SORCS2: variants seen among roughly 807,000 people sequenced by gnomAD.
The protein encoded by SORCS2 is sortilin related VPS10 domain containing receptor 2.
In SORCS2, 100 loss-of-function variants were observed where a neutral mutation model predicts 141.6. The observed-to-expected ratio is 0.71, with a 90% CI of 0.60 to 0.83. The LOEUF (loss-of-function observed/expected upper bound fraction) is 0.83, where lower values mean the gene tolerates loss of function less well. SORCS2 is among the 40% of genes least tolerant of loss of function. SORCS2 has a pLI of 0.00. For synonymous variants in SORCS2, 789 were observed against 676.9 expected (o/e 1.17, Z -2.57); for missense variants, 1,646 against 1,560.2 (o/e 1.05, Z -0.93).
In SORCS2 at chr4:7,314,821, T is replaced by G. The variant is rs992867510; in HGVS notation, c.481-81467T>G. Among the ~76,000 whole-genome samples the G allele has an allele frequency of 6.3e-4, 92 of 147,098 alleles. 1 individual carries two copies. Among genetic ancestry groups the G allele is most frequent in the South Asian group, 4.4e-3 (20 of 4,582 alleles). ...TTCTGTTTTTTTTTTTTTTTTTTTT[T>G]TTTTTTTTATTGTTGTTGTTGTTTT... On this transcript the variant is annotated intron_variant, in intron 1 of 26. Coordinates refer to ENST00000507866, the MANE Select transcript of SORCS2 (RefSeq NM_020777.3).
At chr4:7,305,815 T>C (rs1717780089) in intron 1 of SORCS2, among the ~76,000 whole-genome samples, 1 of 152,182 alleles carries the variant, frequency 6.6e-6, no homozygotes, top group Non-Finnish European at 1.5e-5. Flanking sequence ...CATACTCTGC[T>C]GCCCAGAGCA....
chr4:7,364,022 G>T (rs990862197), intron 1 of SORCS2, among the ~76,000 whole-genome samples: 7 of 133,168 alleles, frequency 5.3e-5, no homozygotes, highest in African/African-American at 2.2e-4. Flanking sequence ...CACCATTGTG[G>T]TGTATCACCA....
At chr4:7,353,691 C>T (rs1721085316) in intron 1 of SORCS2, among the ~76,000 whole-genome samples, 1 of 152,162 alleles carries the variant, frequency 6.6e-6, no homozygotes, top group African/African-American at 2.4e-5. Flanking sequence ...GAAGGCAGCC[C>T]TGACTGCTTT....
chr4:7,426,739 G>A (rs1175089700), intron 2 of SORCS2, among the ~76,000 whole-genome samples: 2 of 152,180 alleles, frequency 1.3e-5, no homozygotes, highest in Admixed American at 6.5e-5. Context: ...CTTATGGGAT[G>A]CCTGAGGCTG....
intron 8 of SORCS2, among the ~76,000 whole-genome samples, chr4:7,670,853 A>C (rs941196469): frequency 6.6e-6 from 1 of 152,102 alleles, no homozygotes; most frequent in South Asian, 2.1e-4. Context: ...TCTTCCAAAC[A>C]CTGAGGATCT....
At chr4:7,229,291 C>T (rs1259819251) in intron 1 of SORCS2, among the ~76,000 whole-genome samples, 1 of 152,008 alleles carries the variant, frequency 6.6e-6, no homozygotes, top group Non-Finnish European at 1.5e-5. Flanking sequence ...TCTGCCATGC[C>T]ATGACCCCCT....
At chr4:7,386,746 TAC>T (rs1723371938) in intron 1 of SORCS2, among the ~76,000 whole-genome samples, 1 of 63,548 alleles carries the variant, frequency 1.6e-5, no homozygotes, top group Non-Finnish European at 2.9e-5. Flanking sequence ...TGCACACACA[TAC>T]AGGTACACAG....
At chr4:7,195,446 A>G (rs1035320103) in intron 1 of SORCS2, among the ~76,000 whole-genome samples, 3 of 152,036 alleles carry the variant, frequency 2.0e-5, no homozygotes, top group Non-Finnish European at 2.9e-5. Context: ...TGGACCAGGC[A>G]TTGGGCTTCA....
At chr4:7,354,795 T>A (rs1375801035) in intron 1 of SORCS2, among the ~76,000 whole-genome samples, 1 of 152,194 alleles carries the variant, frequency 6.6e-6, no homozygotes, top group East Asian at 1.9e-4. Context: ...GGCTCTGCAC[T>A]GAAAATCCGA....
chr4:7,735,840 C>A (rs1421353901), intron 25 of SORCS2, among the ~76,000 whole-genome samples: 1 of 152,218 alleles, frequency 6.6e-6, no homozygotes, highest in Non-Finnish European at 1.5e-5. Flanking sequence ...CCCCCTCCAG[C>A]CTATATCCCA....
chr4:7,496,691 G>T (rs1731651150), intron 2 of SORCS2, among the ~76,000 whole-genome samples: 1 of 152,042 alleles, frequency 6.6e-6, no homozygotes, highest in Non-Finnish European at 1.5e-5. Context: ...CATTATTCAT[G>T]GGCCACATCT....
At chr4:7,392,253 G>A (rs73210458) in intron 1 of SORCS2, among the ~76,000 whole-genome samples, 34,047 of 152,178 alleles carry the variant, frequency 0.22, 4,798 homozygotes, top group Middle Eastern at 0.36. Context: ...GTTAGGATGG[G>A]CATTGCTGTG....
intron 1 of SORCS2, among the ~76,000 whole-genome samples, chr4:7,369,540 A>G (rs903919370): frequency 5.9e-5 from 9 of 152,168 alleles, no homozygotes; most frequent in African/African-American, 2.2e-4. Flanking sequence ...CAGAGGCTTG[A>G]CTTGGGGGCG....
At chr4:7,435,752 A>G (rs1727255189) in intron 2 of SORCS2, among the ~76,000 whole-genome samples, 1 of 152,260 alleles carries the variant, frequency 6.6e-6, no homozygotes, top group South Asian at 2.1e-4. Flanking sequence ...TTCTTAGGCA[A>G]GAGAGTCAGC....
In SORCS2 at chr4:7,740,440, G is replaced by A. The variant is rs1712574201; in HGVS notation, c.*176G>A. The A allele has an allele frequency of 3.2e-6, 2 of 618,074 alleles. No homozygotes were observed. Among genetic ancestry groups the A allele is most frequent in the East Asian group, 5.6e-5 (2 of 35,940 alleles). 38.3% of individuals were successfully genotyped at this position (618,074 alleles called of 1,614,324 possible). On this transcript the variant is annotated 3_prime_UTR_variant, in exon 27 of 27. Coordinates refer to ENST00000507866, the MANE Select transcript of SORCS2 (RefSeq NM_020777.3). ...TCCAAGCCCGCCCAGGCCCACGGGG[G>A]GCCCACGGGACCCCCCGGGACTCCC... is the stretch of plus-strand genomic sequence containing the variant.
At chr4:7,706,960 C>G (rs978416358) in intron 14 of SORCS2, among the ~76,000 whole-genome samples, 1 of 152,184 alleles carries the variant, frequency 6.6e-6, no homozygotes, top group Non-Finnish European at 1.5e-5. Flanking sequence ...TTCCTGCTCA[C>G]CACCCGTCAC....
Position 7,414,579 on chromosome 4 carries a change from A to T in SORCS2, c.548+18224A>T, listed in dbSNP as rs187731738. ...TCGGCCACGAGGAAGGGGCTCGATTAACTTTTATACCTAGGTTTAGGAAGG... is the reference window on the plus strand; with the variant it reads ...TCGGCCACGAGGAAGGGGCTCGATTTACTTTTATACCTAGGTTTAGGAAGG... On this transcript the variant is annotated intron_variant, in intron 2 of 26. Coordinates refer to ENST00000507866, the MANE Select transcript of SORCS2 (RefSeq NM_020777.3). Among the ~76,000 whole-genome samples the T allele has an allele frequency of 4.4e-3, 673 of 152,298 alleles. 3 individuals are homozygous for T. Among genetic ancestry groups the T allele is most frequent in the Middle Eastern group, 6.8e-3 (2 of 294 alleles).
chr4:7,203,834 AC>A (rs1210392594), intron 1 of SORCS2, among the ~76,000 whole-genome samples: 7 of 148,916 alleles, frequency 4.7e-5, no homozygotes, highest in Admixed American at 4.7e-4. Flanking sequence ...ACCCTCCTCC[AC>A]CCCCGCCACT....
Position 7,438,387 on chromosome 4 carries a change from GAGA to G in SORCS2, c.548+42036_548+42038del, listed in dbSNP as rs1401964980. Among the ~76,000 whole-genome samples, 5 of 152,330 alleles carry G rather than the reference GAGA, an allele frequency of 3.3e-5. No homozygotes were observed. The South Asian group carries it at 1.0e-3, about 32-fold the overall frequency. Reference sequence around the variant, plus strand: ...AGCATGTGTGATCTTTGATCACTTGGAGAAGATCTACCAGCTTCCTTCTCTGTA... The same window carrying G: ...AGCATGTGTGATCTTTGATCACTTGGAGATCTACCAGCTTCCTTCTCTGTA... On this transcript the variant is annotated intron_variant, in intron 2 of 26. Coordinates refer to ENST00000507866, the MANE Select transcript of SORCS2 (RefSeq NM_020777.3).
Sources: allele counts gnomAD v4.1 joint callset (sites outside exome capture counted in the v4.1 genomes callset), GRCh38; gene constraint gnomAD v4.1.1; transcripts MANE v1.5; gene names NCBI Gene and HGNC (gene_info 2026-07-23, HGNC 2026-07-21).